Variants in TENM3 observed in about 807,000 individuals in gnomAD.
The protein encoded by TENM3 is teneurin transmembrane protein 3, also known as teneurin-3.
TENM3 carries 63 observed loss-of-function variants against 255.1 expected under a neutral mutation model. The observed-to-expected ratio is 0.25, with a 90% CI of 0.20 to 0.30. TENM3 has a LOEUF of 0.30. Ranked by LOEUF, TENM3 falls within the 10% of genes least tolerant of loss-of-function variation. The pLI is 1.00. For synonymous variants in TENM3, 1,306 were observed against 1,322.3 expected, an observed-to-expected ratio of 0.99 and a Z score of 0.27; for missense variants, 2,929 against 3,461.1, an observed-to-expected ratio of 0.85 and a Z score of 3.86.
the TENM3 span, among the ~76,000 whole-genome samples, chr4:181,912,769 CA>C: frequency 0.022 from 1,822 of 83,592 alleles, 23 homozygotes; most frequent in African/African-American, 0.052. Context: ...AAGACTATCT[CA>C]AAAAAAAAAA....
At chr4:181,646,839 C>CA in the TENM3 span, among the ~76,000 whole-genome samples, 4 of 151,764 alleles carry the variant, frequency 2.6e-5, no homozygotes, top group African/African-American at 7.3e-5. Flanking sequence ...GCATCAGTGA[C>CA]AAAAAAAGAT....
At chr4:182,038,480 T>TA in the TENM3 span, among the ~76,000 whole-genome samples, 1 of 152,308 alleles carries the variant, frequency 6.6e-6, no homozygotes, top group East Asian at 1.9e-4. Context: ...ATAGACCATT[T>TA]AAGTGTCTTG....
chr4:182,324,278 G>A (rs759288227), intron 2 of TENM3, 26 bp downstream of exon 2: 13 of 1,528,856 alleles, frequency 8.5e-6, no homozygotes, highest in Non-Finnish European at 1.2e-5. Context: ...AGTAAAATAA[G>A]GCAATGCTCA....
intron 1 of TENM3, among the ~76,000 whole-genome samples, chr4:182,157,953 T>G (rs1321841172): frequency 3.3e-5 from 5 of 152,258 alleles, no homozygotes; most frequent in Non-Finnish European, 2.9e-5. Flanking sequence ...TCTTAAAATA[T>G]GTAGTTCTCT....
At chr4:182,624,101 C>T (rs905414167) in intron 4 of TENM3, among the ~76,000 whole-genome samples, 2 of 152,284 alleles carry the variant, frequency 1.3e-5, no homozygotes, top group South Asian at 2.1e-4. Flanking sequence ...CCAGGAATCA[C>T]GCGGGGAGGC....
chr4:182,720,766 C>CTTT (rs11369655), intron 13 of TENM3, among the ~76,000 whole-genome samples: 18 of 129,804 alleles, frequency 1.4e-4, no homozygotes, highest in African/African-American at 3.1e-4. Flanking sequence ...AGTCTCCCCT[C>CTTT]TTTTTTTTTT....
At chr4:181,821,530 T>C in the TENM3 span, 1 of 152,232 alleles carries the variant, frequency 6.6e-6, no homozygotes, top group Non-Finnish European at 1.5e-5. Flanking sequence ...AATGAATACA[T>C]GCATTTGTGG....
At chr4:182,556,006 G>C (rs1421621017) in intron 3 of TENM3, among the ~76,000 whole-genome samples, 1 of 151,672 alleles carries the variant, frequency 6.6e-6, no homozygotes, top group Admixed American at 6.6e-5. Flanking sequence ...TTTTTTTGTT[G>C]TTTAGTCTCT....
the TENM3 span, among the ~76,000 whole-genome samples, chr4:182,016,741 A>G: frequency 2.0e-5 from 3 of 152,214 alleles, no homozygotes; most frequent in Admixed American, 2.0e-4. Context: ...ACCAATGAAC[A>G]TAGGCCATTA....
Position 182,792,540 on chromosome 4 carries a change from C to G in TENM3, c.5868C>G (p.Leu1956=), listed in dbSNP as rs765557945. ...VLFKYRRQTR[L]SEILYDSTRV... ...TCAAATACAGAAGGCAGACTAGGCT[C>G]TCAGAAATTTTATATGATAGCACAA... The change falls in exon 26 of 28, where the codon CTC becomes CTG. Residue 1956 remains leucine (L), a synonymous_variant. Transcript: ENST00000511685. This position sits in a 1 kb window ranked among gnomAD's most constrained non-coding sequence, Gnocchi z 6.3. 27 of 1,613,864 alleles carry G rather than the reference C, an allele frequency of 1.7e-5. No individual in the cohort carries two copies. In the South Asian group the frequency reaches 2.7e-4, roughly 16 times the overall value.
chr4:182,763,738 G>A (rs1415263351), intron 22 of TENM3, among the ~76,000 whole-genome samples: 1 of 152,158 alleles, frequency 6.6e-6, no homozygotes, highest in Non-Finnish European at 1.5e-5. Flanking sequence ...GTGTCTAAAT[G>A]CATCAGACTA....
the TENM3 span, among the ~76,000 whole-genome samples, chr4:181,993,045 C>A: frequency 6.6e-6 from 1 of 152,044 alleles, no homozygotes; most frequent in Admixed American, 6.6e-5. Context: ...TGATGTTAGA[C>A]ACCAGCATTG....
chr4:181,976,541 A>G, the TENM3 span: 1 of 152,224 alleles, frequency 6.6e-6, no homozygotes, highest in South Asian at 2.1e-4. Context: ...TCCTACCTGT[A>G]ACAGAGAATG....
At chr4:182,764,310 G>A (rs1031740629) in intron 22 of TENM3, among the ~76,000 whole-genome samples, 9 of 152,170 alleles carry the variant, frequency 5.9e-5, no homozygotes, top group African/African-American at 2.2e-4. Context: ...AATTTATTAT[G>A]TGCCAGCTAC....
intron 1 of TENM3, among the ~76,000 whole-genome samples, chr4:182,319,922 T>G (rs2726787): frequency 0.17 from 25,448 of 152,004 alleles, 2,360 homozygotes; most frequent in Middle Eastern, 0.23. Flanking sequence ...AGACAAGCCT[T>G]GCCAACATGG....
intron 25 of TENM3, among the ~76,000 whole-genome samples, chr4:182,790,634 A>G (rs1766029374): frequency 6.6e-6 from 1 of 152,160 alleles, no homozygotes; most frequent in African/African-American, 2.4e-5. Flanking sequence ...CGCTCTCATC[A>G]GAAGAGACTC....
chr4:181,594,669 GCTGAAGATTCCCAAATCCTTTTCTT>G, the TENM3 span, among the ~76,000 whole-genome samples: 13,270 of 152,170 alleles, frequency 0.087, 719 homozygotes, highest in Middle Eastern at 0.14. Context: ...CCCTCAGTAT[GCTGAAGATTCCCAAATCCTTTTCTT>G]CAGTGCCAAT....
chr4:182,725,510 T>G (rs1288934204), intron 13 of TENM3, among the ~76,000 whole-genome samples: 1 of 152,134 alleles, frequency 6.6e-6, no homozygotes, highest in Non-Finnish European at 1.5e-5. Flanking sequence ...TTTCTTCCAC[T>G]AGAAATATTG....
intron 1 of TENM3, among the ~76,000 whole-genome samples, chr4:182,221,701 G>C (rs957551119): frequency 6.6e-6 from 1 of 152,146 alleles, no homozygotes; most frequent in Non-Finnish European, 1.5e-5. Context: ...ATCAGAGGAA[G>C]ACATCAATAA....
Sources: allele counts gnomAD v4.1 joint callset (sites outside exome capture counted in the v4.1 genomes callset), GRCh38; gene constraint gnomAD v4.1.1; non-coding constraint Gnocchi (gnomAD v3.1); transcripts MANE v1.5; gene names NCBI Gene and HGNC (gene_info 2026-07-23, HGNC 2026-07-21).